Variants in PLXDC2 observed in about 807,000 individuals in gnomAD.
PLXDC2 encodes the protein plexin domain-containing protein 2.
A neutral mutation model predicts 68.9 loss-of-function variants in PLXDC2; 40 were observed. That is an observed-to-expected ratio of 0.58 (90% CI 0.45 to 0.76). The LOEUF (loss-of-function observed/expected upper bound fraction) is 0.76. Ranked by LOEUF, PLXDC2 falls within the 30% of genes least tolerant of loss-of-function variation. PLXDC2 has a pLI of 0.00. For synonymous variants in PLXDC2, 243 were observed against 234.2 expected, an observed-to-expected ratio of 1.04 and a Z score of -0.34; for missense variants, 644 against 661.9, an observed-to-expected ratio of 0.97 and a Z score of 0.30.
intron 1 of PLXDC2, among the ~76,000 whole-genome samples, chr10:19,848,665 A>T (rs1488142771): frequency 6.6e-6 from 1 of 152,202 alleles, no homozygotes; most frequent in Non-Finnish European, 1.5e-5. Flanking sequence ...AACATCTTCC[A>T]TGTAGGTTAG....
At chr10:20,139,243 G>A (rs1473864757) in intron 4 of PLXDC2, among the ~76,000 whole-genome samples, 1 of 152,224 alleles carries the variant, frequency 6.6e-6, no homozygotes, top group Non-Finnish European at 1.5e-5. Context: ...GGTTTTACTA[G>A]TTGTTAAGGC....
intron 3 of PLXDC2, among the ~76,000 whole-genome samples, chr10:20,054,788 G>A (rs1835966514): frequency 6.6e-6 from 1 of 151,812 alleles, no homozygotes; most frequent in African/African-American, 2.4e-5. Context: ...CACCAACATG[G>A]CACATGTATA....
intron 4 of PLXDC2, among the ~76,000 whole-genome samples, chr10:20,085,474 A>G (rs1375751797): frequency 6.6e-6 from 1 of 152,152 alleles, no homozygotes; most frequent in Non-Finnish European, 1.5e-5. Flanking sequence ...CTGCTACATG[A>G]TATTTAAGCT....
Position 19,910,868 on chromosome 10 carries a change from G to GGT in PLXDC2, c.113-90903_113-90902dup, listed in dbSNP as rs555882511. On this transcript the variant is annotated intron_variant, in intron 1 of 13. Coordinates refer to ENST00000377252, the MANE Select transcript of PLXDC2 (RefSeq NM_032812.9). The stretch of plus-strand genomic sequence containing the variant: ...CACTAAAAATACAAAAAATTAGCCT[G>GGT]GTGTGGTGGCAGGTGCCTGTAATCC... Among the ~76,000 whole-genome samples the GGT allele has an allele frequency of 1.2e-3, 179 of 152,122 alleles. 2 individuals are homozygous for GGT. Among genetic ancestry groups the GGT allele is most frequent in the Admixed American group, 7.3e-3 (111 of 15,274 alleles).
chr10:19,824,699 C>T (rs1409449906), intron 1 of PLXDC2, among the ~76,000 whole-genome samples: 1 of 152,110 alleles, frequency 6.6e-6, no homozygotes, highest in Non-Finnish European at 1.5e-5. Flanking sequence ...AAGTTTCTTC[C>T]ACTATTTATT....
At chr10:20,139,268 G>A (rs4237353) in intron 4 of PLXDC2, among the ~76,000 whole-genome samples, 39,593 of 152,096 alleles carry the variant, frequency 0.26, 5,704 homozygotes, top group East Asian at 0.49. Context: ...TGGAGTGGCC[G>A]TGTATTCGCT....
chr10:20,028,462 T>C (rs1367084459), intron 2 of PLXDC2, among the ~76,000 whole-genome samples: 5 of 152,214 alleles, frequency 3.3e-5, no homozygotes, highest in Non-Finnish European at 5.9e-5. Context: ...AAGACCTTGC[T>C]TTTGTGAGTT....
chr10:20,206,462 G>A (rs1056924508), intron 9 of PLXDC2, among the ~76,000 whole-genome samples: 2 of 152,008 alleles, frequency 1.3e-5, no homozygotes, highest in African/African-American at 2.4e-5. Flanking sequence ...TTGCCAGTTG[G>A]GTAGGCCAGC....
chr10:19,858,518 T>C (rs1276540119), intron 1 of PLXDC2, among the ~76,000 whole-genome samples: 1 of 152,200 alleles, frequency 6.6e-6, no homozygotes, highest in Admixed American at 6.5e-5. Flanking sequence ...TATTACTTTG[T>C]AAAAATATAA....
intron 4 of PLXDC2, among the ~76,000 whole-genome samples, chr10:20,086,459 T>G (rs906524360): frequency 1.3e-5 from 2 of 151,986 alleles, no homozygotes; most frequent in Non-Finnish European, 2.9e-5. Flanking sequence ...CCCAAAGTGC[T>G]GGGATTACAG....
chr10:19,970,429 A>G (rs1834330851), intron 1 of PLXDC2, among the ~76,000 whole-genome samples: 1 of 152,196 alleles, frequency 6.6e-6, no homozygotes, highest in Non-Finnish European at 1.5e-5. Context: ...CAAGCAATAG[A>G]CAGTGAATGC....
chr10:19,884,939 C>G (rs1837813696), intron 1 of PLXDC2, among the ~76,000 whole-genome samples: 1 of 152,198 alleles, frequency 6.6e-6, no homozygotes, highest in Non-Finnish European at 1.5e-5. Flanking sequence ...CTGACTTCCA[C>G]AAGGGTTGAA....
chr10:20,027,569 A>C (rs958491282), intron 2 of PLXDC2, among the ~76,000 whole-genome samples: 44 of 152,090 alleles, frequency 2.9e-4, no homozygotes, highest in Non-Finnish European at 1.0e-4. Flanking sequence ...GGACGAAGGC[A>C]TTGTGCTTGC....
At chr10:19,844,070 A>G (rs913569259) in intron 1 of PLXDC2, among the ~76,000 whole-genome samples, 1 of 152,214 alleles carries the variant, frequency 6.6e-6, no homozygotes, top group African/African-American at 2.4e-5. Context: ...GTATCTAAAT[A>G]AATAAAAATG....
chr10:20,126,012 C>T (rs867847020), intron 4 of PLXDC2, among the ~76,000 whole-genome samples: 5 of 148,176 alleles, frequency 3.4e-5, no homozygotes, highest in Admixed American at 1.4e-4. Context: ...ATTATACAAA[C>T]ACTACATATA....
At position 20,286,819 on chromosome 10, in the gene PLXDC2, G is replaced by A. The variant is rs1217472281; in HGVS notation, c.*7000G>A. The A allele has an allele frequency of 6.5e-6, 1 of 152,894 alleles. No homozygotes were observed. Among genetic ancestry groups the A allele is most frequent in the Non-Finnish European group, 1.5e-5 (1 of 68,640 alleles). 9.5% of individuals were successfully genotyped at this position (152,894 alleles called of 1,614,324 possible). A position where few individuals can be genotyped will look rare whatever the true frequency, so the allele number is the denominator to read the frequency against. ...GTCTCACTGCAACCTCCGCCTCCCA[G>A]GTTCAAGCGATTCTCCTGCCTCAGC... On this transcript the variant is annotated 3_prime_UTR_variant, in exon 14 of 14. Transcript: ENST00000377252.
chr10:20,211,012 T>G (rs1329039298), intron 9 of PLXDC2, among the ~76,000 whole-genome samples: 1 of 152,148 alleles, frequency 6.6e-6, no homozygotes, highest in African/African-American at 2.4e-5. Context: ...TGAAGTCACA[T>G]ATTCACAATA....
intron 4 of PLXDC2, among the ~76,000 whole-genome samples, chr10:20,140,387 C>CAT (rs10675416): frequency 0.61 from 89,425 of 146,674 alleles, 27,922 homozygotes; most frequent in African/African-American, 0.73. Context: ...AGAAAAATAA[C>CAT]ATATATATAT....
chr10:20,115,401 T>C (rs1374772460), intron 4 of PLXDC2, among the ~76,000 whole-genome samples: 1 of 152,184 alleles, frequency 6.6e-6, no homozygotes. Flanking sequence ...TCAGCCCCTA[T>C]TTGGTAACAA....
Sources: gnomAD v4.1 joint callset for allele counts (sites outside exome capture counted in the v4.1 genomes callset) on GRCh38, gnomAD v4.1.1 for gene constraint, MANE v1.5 for transcripts, NCBI Gene and HGNC (gene_info 2026-07-23, HGNC 2026-07-21) for gene names.